MAML1: variants seen among roughly 807,000 people sequenced by gnomAD.
The protein encoded by MAML1 is mastermind like transcriptional coactivator 1.
In MAML1, 14 loss-of-function variants were observed where a neutral mutation model predicts 77.1. The observed-to-expected ratio is 0.18, with a 90% CI of 0.12 to 0.28. MAML1 has a LOEUF of 0.28. MAML1 is among the 10% of genes least tolerant of loss of function. MAML1 has a pLI of 1.00. For missense variants in MAML1, 1,217 were observed against 1,327.8 expected (o/e 0.92, Z 1.30); for synonymous variants, 516 against 551.9 (o/e 0.93, Z 0.91).
rs879206269 is a variant in MAML1, at chr5:179,765,730, C to A, written c.720C>A (p.Leu240=). Residue 240 remains leucine, a synonymous_variant, in exon 2 of 5, where the codon CTC becomes CTA. Coordinates refer to ENST00000292599, the MANE Select transcript of MAML1 (RefSeq NM_014757.5). ...GTVGSISQSN[L]MPDLNLNEQE... is the part of the protein sequence containing the mutation. ...TCGGCTCCATATCGCAAAGCAACCT[C>A]ATGCCAGACCTCAACCTTAACGAGC... The A allele has an allele frequency of 6.2e-7, 1 of 1,613,830 alleles. No homozygotes were observed. Among genetic ancestry groups the A allele is most frequent in the Non-Finnish European group, 8.5e-7 (1 of 1,179,892 alleles).
chr5:179,762,241 GCT>G (rs1433553055), intron 1 of MAML1, among the ~76,000 whole-genome samples: 1 of 152,152 alleles, frequency 6.6e-6, no homozygotes, highest in African/African-American at 2.4e-5. Context: ...TTCCTATAAG[GCT>G]AGTGCATGGT....
At position 179,732,932 on chromosome 5, in the gene MAML1, TG is replaced by T. The variant is rs1345971648; in HGVS notation, c.-176del. 1 of 302,138 alleles carries T rather than the reference TG, an allele frequency of 3.3e-6. No homozygotes were observed. The highest frequency in any genetic ancestry group is 5.8e-5 in the East Asian group (1 of 17,154). The allele number at this position is 302,138 out of a possible 1,614,324, so 18.7% of individuals were successfully genotyped here. On this transcript the variant is annotated 5_prime_UTR_variant, in exon 1 of 5. Coordinates refer to ENST00000292599, the MANE Select transcript of MAML1 (RefSeq NM_014757.5). ...CTTGAGGTAGGCAGCAAGCGCCGGC[TG>T]GGGGTCGGGCCGAGCGGGGCAGGAG...
At chr5:179,773,749 A>T (rs979400624) in intron 4 of MAML1, 146 bp from the exon 5 acceptor site, 19 of 1,490,010 alleles carry the variant, frequency 1.3e-5, no homozygotes, top group Non-Finnish European at 1.6e-5. Flanking sequence ...CCTCCATTCC[A>T]CCTGTGGAAG....
intron 1 of MAML1, among the ~76,000 whole-genome samples, chr5:179,756,148 G>A (rs114457992): frequency 0.024 from 3,645 of 151,668 alleles, 76 homozygotes; most frequent in Non-Finnish European, 0.037. Flanking sequence ...GGAGGTGGCC[G>A]GTCGCGGTGG....
intron 1 of MAML1, among the ~76,000 whole-genome samples, chr5:179,755,321 G>C (rs1184546053): frequency 6.6e-6 from 1 of 152,312 alleles, no homozygotes; most frequent in South Asian, 2.1e-4. Flanking sequence ...TGTAGCAGTG[G>C]GGGAGGTGGG....
At position 179,774,896 on chromosome 5, in the gene MAML1, T is replaced by G; in HGVS notation, c.*19T>G. 1 of 1,566,266 alleles carries G rather than the reference T, an allele frequency of 6.4e-7. No individual in the cohort carries two copies. The highest frequency in any genetic ancestry group is 1.7e-4 in the Middle Eastern group (1 of 5,826). On this transcript the variant is annotated 3_prime_UTR_variant, in exon 5 of 5. Transcript: ENST00000292599. The stretch of plus-strand genomic sequence containing the variant: ...TCAGTAATGGAAGGATTTGTAGTGT[T>G]TTTAGTGTTCATTCATCCTATATTT...
rs770441866 is a variant in MAML1 at position 179,766,094 on chromosome 5, A to G, written c.1084A>G (p.Asn362Asp). The G allele has an allele frequency of 1.3e-6, 2 of 1,584,388 alleles. No individual in the cohort carries two copies. Among genetic ancestry groups the G allele is most frequent in the Non-Finnish European group, 1.7e-6 (2 of 1,166,360 alleles). ...GQPRADNPSP[N>D]LMPASAQAQN... ...GCCCCGGGCGGACAATCCCAGTCCA[A>G]ACCTGATGCCGGCATCAGCCCAGGC... is the stretch of plus-strand genomic sequence containing the variant. The change falls in exon 2 of 5, where the codon AAC (asparagine) becomes GAC (aspartate). Residue 362 changes from asparagine to aspartate, a missense_variant. Coordinates refer to ENST00000292599, the MANE Select transcript of MAML1 (RefSeq NM_014757.5). The surrounding 1 kb of genome is among the most constrained non-coding windows in gnomAD (Gnocchi z 4.0).
rs1756146641 is a variant in MAML1, at chr5:179,776,927, G to A, written c.*2050G>A. 2.1e-5 allele frequency: 21 copies of A among 985,784 alleles called. No individual in the cohort carries two copies. Among genetic ancestry groups the A allele is most frequent in the Non-Finnish European group, 2.4e-5 (20 of 829,938 alleles). The allele number at this position is 985,784 out of a possible 1,614,324, so 61.1% of individuals were successfully genotyped here. The stretch of plus-strand genomic sequence containing the variant: ...CTGTGCACAGCCCCGTCTTCCAGGA[G>A]CCACAACTCAGAAGAAAAGGGTGCT... On this transcript the variant is annotated 3_prime_UTR_variant, in exon 5 of 5. Transcript: ENST00000292599.
rs577676018 is a variant in MAML1 at position 179,769,983 on chromosome 5, C to T, written c.1971+894C>T. On this transcript the variant is annotated intron_variant, in intron 3 of 4. Coordinates refer to ENST00000292599, the MANE Select transcript of MAML1 (RefSeq NM_014757.5). The surrounding 1 kb of genome is among the most constrained non-coding windows in gnomAD (Gnocchi z 4.2). ...GTAACTCACACAGCATACACTTCAC[C>T]CACGTAAGTGAACAATTTAGTCATT... Among the ~76,000 whole-genome samples, 3 of 152,296 alleles carry T rather than the reference C, an allele frequency of 2.0e-5. No individual in the cohort carries two copies. Among genetic ancestry groups the T allele is most frequent in the South Asian group, 2.1e-4 (1 of 4,824 alleles).
intron 1 of MAML1, among the ~76,000 whole-genome samples, chr5:179,746,221 C>T (rs1297764828): frequency 1.3e-5 from 2 of 151,740 alleles, no homozygotes; most frequent in Non-Finnish European, 2.9e-5. Context: ...TGGCTGTTGC[C>T]TGTAATCCCA....
At chr5:179,740,155 G>A (rs1355216687) in intron 1 of MAML1, among the ~76,000 whole-genome samples, 2 of 152,166 alleles carry the variant, frequency 1.3e-5, no homozygotes, top group African/African-American at 2.4e-5. Flanking sequence ...AAGTGTCTGA[G>A]TTAGGACCCT....
intron 1 of MAML1, among the ~76,000 whole-genome samples, chr5:179,751,388 C>G (rs898086558): frequency 6.6e-6 from 1 of 152,194 alleles, no homozygotes; most frequent in African/African-American, 2.4e-5. Flanking sequence ...AAAATGCACA[C>G]TGGATTTTGA....
rs1407661329 is a variant in MAML1 at position 179,771,476 on chromosome 5, A to G, written c.2068+233A>G. Reference sequence around the variant, plus strand: ...ACCTTTGCTGGGTCCCTGGCTGTACAGTTTTCTGAAGCAAAATCATTTCTA... The same window carrying G: ...ACCTTTGCTGGGTCCCTGGCTGTACGGTTTTCTGAAGCAAAATCATTTCTA... On this transcript the variant is annotated intron_variant, in intron 4 of 4. Coordinates refer to ENST00000292599, the MANE Select transcript of MAML1 (RefSeq NM_014757.5). The surrounding 1 kb of genome is among the most constrained non-coding windows in gnomAD (Gnocchi z 4.7). Among the ~76,000 whole-genome samples, 1 of 152,208 alleles carries G rather than the reference A, an allele frequency of 6.6e-6. No homozygotes were observed. Among genetic ancestry groups the G allele is most frequent in the East Asian group, 1.9e-4 (1 of 5,204 alleles).
At chr5:179,751,988 A>T (rs1278697143) in intron 1 of MAML1, among the ~76,000 whole-genome samples, 1 of 150,722 alleles carries the variant, frequency 6.6e-6, no homozygotes, top group Non-Finnish European at 1.5e-5. Context: ...TGGGCAATAG[A>T]GTGAGACCTT....
At position 179,765,554 on chromosome 5, in the gene MAML1, G is replaced by A; in HGVS notation, c.544G>A (p.Gly182Arg). ...ALQSSGKHSL[G>R]LDSLNKKRLA... ...GCAGTCCAGTGGGAAGCACTCTCTG[G>A]GGCTAGACTCTCTCAACAAAAAGCG... The change falls in exon 2 of 5, where the codon GGG becomes AGG. Residue 182 changes from glycine to arginine, a missense_variant. Transcript: ENST00000292599. 1.2e-6 allele frequency: 2 copies of A among 1,614,044 alleles called. No individual in the cohort carries two copies. Among genetic ancestry groups the A allele is most frequent in the Non-Finnish European group, 1.7e-6 (2 of 1,179,982 alleles).
At chr5:179,753,053 G>A (rs749919519) in intron 1 of MAML1, among the ~76,000 whole-genome samples, 2 of 152,162 alleles carry the variant, frequency 1.3e-5, no homozygotes, top group African/African-American at 2.4e-5. Context: ...GATTACAGGC[G>A]TGAACCACAG....
intron 1 of MAML1, among the ~76,000 whole-genome samples, chr5:179,742,499 A>C (rs1779302304): frequency 6.6e-6 from 1 of 150,442 alleles, no homozygotes; most frequent in Admixed American, 6.6e-5. Flanking sequence ...AAAATAAATA[A>C]TAAAAAAAAA....
chr5:179,742,554 G>C (rs1779304138), intron 1 of MAML1, among the ~76,000 whole-genome samples: 1 of 151,694 alleles, frequency 6.6e-6, no homozygotes, highest in Non-Finnish European at 1.5e-5. Flanking sequence ...AGTAATCCCA[G>C]CATTTTGAGA....
At chr5:179,752,350 A>AATATAT (rs1554150145) in intron 1 of MAML1, among the ~76,000 whole-genome samples, 1,007 of 66,680 alleles carry the variant, frequency 0.015, 19 homozygotes, top group African/African-American at 0.04. Flanking sequence ...AAAAAAAAAA[A>AATATAT]ATATATATAT....
Sources: gnomAD v4.1 joint callset for allele counts (sites outside exome capture counted in the v4.1 genomes callset) on GRCh38, gnomAD v4.1.1 for gene constraint, Gnocchi (gnomAD v3.1) non-coding constraint, MANE v1.5 for transcripts, NCBI Gene and HGNC (gene_info 2026-07-23, HGNC 2026-07-21) for gene names.